KDM5C: variants seen among roughly 807,000 people sequenced by gnomAD.
KDM5C encodes the protein lysine-specific demethylase 5C.
A neutral mutation model predicts 110.6 loss-of-function variants in KDM5C; 16 were observed. The ratio of observed to expected loss-of-function variants is 0.14; its 90% confidence interval spans 0.10 to 0.22. The LOEUF (loss-of-function observed/expected upper bound fraction) is 0.22. Ranked by LOEUF, KDM5C falls within the 10% of genes least tolerant of loss-of-function variation. KDM5C has a pLI of 1.00. For synonymous variants in KDM5C, 511 were observed against 520.4 expected (o/e 0.98, Z 0.24); for missense variants, 681 against 1,300.9 (o/e 0.52, Z 7.33).
In KDM5C at chrX:53,194,854, G is replaced by A. The variant is rs782765358; in HGVS notation, c.3438+77C>T. 447 of 1,187,129 alleles carry A rather than the reference G, an allele frequency of 3.8e-4. 1 individual carries two copies. Among genetic ancestry groups the A allele is most frequent in the Middle Eastern group, 7.2e-4 (3 of 4,146 alleles). On this transcript the variant is annotated intron_variant, in intron 22 of 25. Coordinates refer to ENST00000375401, the MANE Select transcript of KDM5C (RefSeq NM_004187.5). ...GAGAACTGAGGCTCAGGGGACAAGC[G>A]GTCTGCTCATGGCCACCCAGCTCAG...
At position 53,193,251 on chromosome X, in the gene KDM5C, C is replaced by G; in HGVS notation, c.4399G>C (p.Gly1467Arg). The stretch of plus-strand genomic sequence containing the variant: ...TCTCGGGCTGGGTCATCGCCCTCCC[C>G]ACCCCGATCCACCTTCCGCCGCCGC... ...RRRRRKVDRG[G>R]EGDDPAREEL... Residue 1467 changes from glycine to arginine, a missense_variant, in exon 26 of 26, where the codon GGG (glycine) becomes CGG (arginine). Around this residue, in one of 14 missense-constraint regions of KDM5C, gnomAD observed 115 missense variants for 120.9 expected, o/e 0.95. Coordinates refer to ENST00000375401, the MANE Select transcript of KDM5C (RefSeq NM_004187.5). 6 of 1,209,264 alleles carry G rather than the reference C, an allele frequency of 5.0e-6. No individual in the cohort carries two copies. The highest frequency in any genetic ancestry group is 6.7e-6 in the Non-Finnish European group (6 of 895,301).
chrX:53,224,663 C>T, intron 1 of KDM5C, 77 bp downstream of exon 1: 2 of 1,148,584 alleles, frequency 1.7e-6, no homozygotes, highest in Non-Finnish European at 2.4e-6. Context: ...AGCTGCCCTC[C>T]GCCCCAGACT....
rs1934524737 is a variant in KDM5C, at chrX:53,192,919, GA to G, written c.*47del. 1 of 989,368 alleles carries G rather than the reference GA, an allele frequency of 1.0e-6. No individual in the cohort carries two copies. The highest frequency in any genetic ancestry group is 1.3e-6 in the Non-Finnish European group (1 of 766,870). 81.5% of individuals were successfully genotyped at this position (989,368 alleles called of 1,213,427 possible). The stretch of plus-strand genomic sequence containing the variant: ...CTTGATGGTCAGAAAGAGGATCCTT[GA>G]GGCCGAGGGGGGTCTCTGTCAGGGT... On this transcript the variant is annotated 3_prime_UTR_variant, in exon 26 of 26. Coordinates refer to ENST00000375401, the MANE Select transcript of KDM5C (RefSeq NM_004187.5).
chrX:53,195,631 C>T (rs1249649611), intron 20 of KDM5C: 6 of 481,752 alleles, frequency 1.2e-5, no homozygotes, highest in Non-Finnish European at 2.2e-5. Context: ...TTGTGGTTTG[C>T]CTCTTCTCCT....
intron 19 of KDM5C, 123 bp from the exon 20 acceptor site, chrX:53,196,177 G>T: frequency 2.4e-6 from 2 of 828,331 alleles, no homozygotes; most frequent in South Asian, 2.3e-5. Flanking sequence ...TGTCACTTGG[G>T]CCTACTTGCT....
chrX:53,201,268 G>C, intron 14 of KDM5C: 1 of 365,640 alleles, frequency 2.7e-6, no homozygotes, highest in Non-Finnish European at 4.9e-6. Context: ...TACCTGCCAT[G>C]GGTCAGTCAC....
intron 12 of KDM5C, among the ~76,000 whole-genome samples, chrX:53,205,548 G>A (rs2073298311): frequency 8.9e-6 from 1 of 112,156 alleles, no homozygotes; most frequent in South Asian, 3.7e-4. Context: ...GCCTCTCACT[G>A]GAATCCCCAT....
In KDM5C at chrX:53,215,897, C is replaced by T. The variant is rs61751238; in HGVS notation, c.861G>A (p.Ser287=). Residue 287 remains serine, a synonymous_variant, in exon 7 of 26, where the codon TCG becomes TCA. Transcript: ENST00000375401. ...CCTTGCTCTCCAGGAAGGTCTTAGG[C>T]GATGTTGACTCCACCTTCACATCCC... is the stretch of plus-strand genomic sequence containing the variant. ...LGGDVKVEST[S]PKTFLESKEE... The T allele has an allele frequency of 2.1e-5, 26 of 1,209,420 alleles. No individual in the cohort carries two copies. The highest frequency in any genetic ancestry group is 1.1e-4 in the Admixed American group (5 of 45,804).
Position 53,195,206 on chromosome X carries a change from T to C in KDM5C, c.3300+25A>G, listed in dbSNP as rs782671332. On this transcript the variant is annotated intron_variant, in intron 21 of 25. Coordinates refer to ENST00000375401, the MANE Select transcript of KDM5C (RefSeq NM_004187.5). ...AGCCAGGGCAGGCGTTAAGAGACGC[T>C]GTAGGTCAAGGTCCCAGGCCTCACC... is the stretch of plus-strand genomic sequence containing the variant. 13 of 1,192,362 alleles carry C rather than the reference T, an allele frequency of 1.1e-5. No individual in the cohort carries two copies. The South Asian group carries it at 2.4e-4, about 22-fold the overall frequency.
In KDM5C at chrX:53,217,719, C is replaced by A. The variant is rs1268233711; in HGVS notation, c.522+77G>T. The stretch of plus-strand genomic sequence containing the variant: ...ACTCCCAGGTCTCCAGTCCACTAAA[C>A]CAGTTTCATTAAGAGCAAGTGTGGA... On this transcript the variant is annotated intron_variant, in intron 4 of 25. Transcript: ENST00000375401. The A allele has an allele frequency of 4.6e-6, 5 of 1,090,849 alleles. No homozygotes were observed. In the East Asian group the frequency reaches 9.0e-5, roughly 20 times the overall value. 89.9% of individuals were successfully genotyped at this position (1,090,849 alleles called of 1,213,427 possible).
At chrX:53,176,675 A>G (rs1602138984) in intron 25 of KDM5C, among the ~76,000 whole-genome samples, 2 of 112,202 alleles carry the variant, frequency 1.8e-5, no homozygotes, top group East Asian at 2.8e-4. Context: ...TTTTCAGTTT[A>G]GTGCAAAAAC....
Position 53,215,916 on chromosome X carries a change from A to G in KDM5C, c.842T>C (p.Val281Ala). ...CTTAGGCGATGTTGACTCCACCTTC[A>G]CATCCCCACCTAACTCCTCCTTCAC... ...VVVKEELGGDVKVESTSPKTF... is the reference protein window; with the variant it reads ...VVVKEELGGDAKVESTSPKTF... The change falls in exon 7 of 26, where the codon GTG becomes GCG. Residue 281 changes from valine to alanine, a missense_variant. Coordinates refer to ENST00000375401, the MANE Select transcript of KDM5C (RefSeq NM_004187.5). 3.3e-6 allele frequency: 4 copies of G among 1,211,682 alleles called. No individual in the cohort carries two copies. Among genetic ancestry groups the G allele is most frequent in the Non-Finnish European group, 3.4e-6 (3 of 895,302 alleles).
downstream of KDM5C, chrX:53,191,319 G>A (rs903876151): frequency 5.8e-6 from 1 of 171,752 alleles, no homozygotes; most frequent in Admixed American, 8.0e-5. Flanking sequence ...AGACACAAAG[G>A]ATCACATATT....
intron 25 of KDM5C, among the ~76,000 whole-genome samples, chrX:53,182,091 T>G (rs1214984436): frequency 1.9e-5 from 2 of 108,001 alleles, no homozygotes; most frequent in African/African-American, 6.9e-5. Flanking sequence ...TTTTGTTTTT[T>G]TTTTTTTTTT....
At chrX:53,200,180 T>C (rs2073098350) in intron 14 of KDM5C, among the ~76,000 whole-genome samples, 2 of 111,824 alleles carry the variant, frequency 1.8e-5, no homozygotes, top group African/African-American at 3.3e-5. Context: ...TATCTCATTT[T>C]ACTAAGGCAG....
chrX:53,199,609 A>G (rs2073079043), intron 14 of KDM5C, among the ~76,000 whole-genome samples: 1 of 111,670 alleles, frequency 9.0e-6, no homozygotes, highest in African/African-American at 3.3e-5. Flanking sequence ...TAGGCAGGAG[A>G]TACTTGTGCA....
downstream of KDM5C, among the ~76,000 whole-genome samples, chrX:53,189,488 A>G (rs1420423561): frequency 1.8e-5 from 2 of 112,267 alleles, no homozygotes; most frequent in Non-Finnish European, 3.8e-5. Flanking sequence ...CCTTCCTTTC[A>G]TGTGAGTGCC....
chrX:53,193,776 T>C lies in KDM5C; in HGVS notation c.4114A>G (p.Arg1372Gly), dbSNP rs782193850. ...KVAPEEGSGK[R>G]DLELLSSLLP... ...CCCACACCACACCTAGACCTACCTCTCTTACCTGAGCCCTCCTCCGGGGCT... is the reference window on the plus strand; with the variant it reads ...CCCACACCACACCTAGACCTACCTCCCTTACCTGAGCCCTCCTCCGGGGCT... The change falls in exon 24 of 26, where the codon AGA becomes GGA. Residue 1372 changes from arginine (R) to glycine (G), a missense_variant. By Grantham distance (125) the Arg-to-Gly change is moderately radical (BLOSUM62 -2). This residue lies in a region of KDM5C where 88 missense variants were observed against 85.6 expected (regional missense o/e 1.03). Coordinates refer to ENST00000375401, the MANE Select transcript of KDM5C (RefSeq NM_004187.5). The C allele has an allele frequency of 8.6e-5, 104 of 1,207,058 alleles. No homozygotes were observed. The highest frequency in any genetic ancestry group is 1.1e-4 in the Non-Finnish European group (97 of 892,434).
chrX:53,214,553 G>A, intron 8 of KDM5C, 136 bp downstream of exon 8: 1 of 675,716 alleles, frequency 1.5e-6, no homozygotes, highest in Non-Finnish European at 2.2e-6. Context: ...TTCTCCCAAA[G>A]CTCTGCCCAG....
Sources: gnomAD v4.1 joint callset for allele counts (sites outside exome capture counted in the v4.1 genomes callset) on GRCh38, gnomAD v4.1.1 for gene constraint, gnomAD v4.1.1 regional missense constraint, MANE v1.5 for transcripts, NCBI Gene and HGNC (gene_info 2026-07-23, HGNC 2026-07-21) for gene names.